Variants in SOX6 observed in about 807,000 individuals in gnomAD.
SOX6 encodes the protein SRY-box transcription factor 6.
In SOX6, 11 loss-of-function variants were observed where a neutral mutation model predicts 97.8. That is an observed-to-expected ratio of 0.11 (90% CI 0.07 to 0.19). The LOEUF is 0.19. Ranked by LOEUF, SOX6 falls within the 10% of genes least tolerant of loss-of-function variation. The pLI is 1.00. For missense variants in SOX6, 810 were observed against 1,039.5 expected, an observed-to-expected ratio of 0.78 and a Z score of 3.04; for synonymous variants, 360 against 371.4, an observed-to-expected ratio of 0.97 and a Z score of 0.35.
chr11:16,310,336 T>C (rs1013793772), intron 3 of SOX6, among the ~76,000 whole-genome samples: 1 of 152,034 alleles, frequency 6.6e-6, no homozygotes, highest in Non-Finnish European at 1.5e-5. Context: ...AATGCAAATA[T>C]ACTTAACACG....
At chr11:16,115,746 G>A (rs953293277) in intron 6 of SOX6, among the ~76,000 whole-genome samples, 3 of 152,166 alleles carry the variant, frequency 2.0e-5, no homozygotes, top group African/African-American at 7.2e-5. Flanking sequence ...GGACTTCAGT[G>A]ATAGAAAAGG....
chr11:16,466,574 C>A (rs921760055), intron 1 of SOX6, among the ~76,000 whole-genome samples: 1 of 151,590 alleles, frequency 6.6e-6, no homozygotes, highest in African/African-American at 2.4e-5. Flanking sequence ...AACTATACAT[C>A]TGATAAAGGT....
At chr11:16,501,629 C>A (rs942663749) in intron 4 of SOX6, among the ~76,000 whole-genome samples, 3 of 151,820 alleles carry the variant, frequency 2.0e-5, no homozygotes, top group African/African-American at 4.9e-5. Flanking sequence ...AAACAAACAA[C>A]CCCATCAAAA....
chr11:16,668,933 C>T (rs906483615), intron 3 of SOX6, among the ~76,000 whole-genome samples: 3 of 152,186 alleles, frequency 2.0e-5, no homozygotes, highest in African/African-American at 4.8e-5. Context: ...GACCCCAATA[C>T]AATATTAGCT....
chr11:16,424,704 C>T (rs984901460), intron 1 of SOX6, among the ~76,000 whole-genome samples: 1 of 152,174 alleles, frequency 6.6e-6, no homozygotes, highest in Non-Finnish European at 1.5e-5. Flanking sequence ...GTGAGATACA[C>T]AAAGTTCCAT....
At chr11:16,401,430 C>T (rs1443775942) in intron 1 of SOX6, among the ~76,000 whole-genome samples, 2 of 151,494 alleles carry the variant, frequency 1.3e-5, no homozygotes, top group African/African-American at 4.8e-5. Context: ...CAGGTGTTAG[C>T]TTTATTCCAT....
intron 3 of SOX6, among the ~76,000 whole-genome samples, chr11:16,655,447 G>A (rs567516429): frequency 6.6e-6 from 1 of 152,158 alleles, no homozygotes; most frequent in Non-Finnish European, 1.5e-5. Context: ...GTGACATAAA[G>A]GGCAAAAGAA....
intron 1 of SOX6, among the ~76,000 whole-genome samples, chr11:16,368,795 C>A (rs1401729142): frequency 6.6e-6 from 1 of 151,864 alleles, no homozygotes; most frequent in African/African-American, 2.4e-5. Flanking sequence ...AAAAGACAAC[C>A]CAGAGAATGG....
At chr11:16,182,107 AC>A (rs1312156461) in intron 6 of SOX6, among the ~76,000 whole-genome samples, 1 of 151,806 alleles carries the variant, frequency 6.6e-6, no homozygotes, top group African/African-American at 2.4e-5. Flanking sequence ...AGTAATACAC[AC>A]TAAAAATATT....
chr11:16,440,982 G>A (rs185441858), intron 1 of SOX6, among the ~76,000 whole-genome samples: 6 of 152,202 alleles, frequency 3.9e-5, no homozygotes, highest in African/African-American at 1.4e-4. Context: ...AAACTACTAA[G>A]GGTATGGTTC....
Position 15,971,885 on chromosome 11 carries a change from T to C in SOX6, c.*924A>G, listed in dbSNP as rs745715037. 3.3e-5 allele frequency: 5 copies of C among 152,552 alleles called. No individual in the cohort carries two copies. Among genetic ancestry groups the C allele is most frequent in the African/African-American group, 4.8e-5 (2 of 41,432 alleles). 9.4% of individuals were successfully genotyped at this position (152,552 alleles called of 1,614,324 possible). ...TGAATAAATTATTTAAGATAAAATG[T>C]GTTAAGACTGAATGTCAGGGTTAAA... On this transcript the variant is annotated 3_prime_UTR_variant, in exon 16 of 16. Transcript: ENST00000683767.
At chr11:16,174,299 G>A (rs1851122734) in intron 6 of SOX6, among the ~76,000 whole-genome samples, 1 of 151,884 alleles carries the variant, frequency 6.6e-6, no homozygotes. Context: ...GACTGAGGAT[G>A]TACTCAACCC....
chr11:16,040,324 G>A (rs1251248909), intron 12 of SOX6, among the ~76,000 whole-genome samples: 12 of 151,916 alleles, frequency 7.9e-5, no homozygotes, highest in Admixed American at 7.9e-4. Context: ...TTTTTTATGA[G>A]TTTGGCCTTT....
At chr11:16,171,503 T>G (rs1187795474) in intron 6 of SOX6, among the ~76,000 whole-genome samples, 4 of 152,070 alleles carry the variant, frequency 2.6e-5, no homozygotes, top group South Asian at 2.1e-4. Context: ...TACATTCATA[T>G]TTTTGTATCC....
At chr11:16,394,307 A>T (rs976395714) in intron 1 of SOX6, among the ~76,000 whole-genome samples, 2 of 152,012 alleles carry the variant, frequency 1.3e-5, no homozygotes, top group Non-Finnish European at 1.5e-5. Context: ...TAATAAAAAC[A>T]TAAGGTGCAA....
chr11:16,155,224 G>T (rs1403264823), intron 6 of SOX6, among the ~76,000 whole-genome samples: 2 of 152,104 alleles, frequency 1.3e-5, no homozygotes, highest in African/African-American at 4.8e-5. Context: ...CTCATAGAAA[G>T]AGAGGCAGCA....
At chr11:16,414,358 T>C (rs1160158007) in intron 1 of SOX6, among the ~76,000 whole-genome samples, 5 of 152,064 alleles carry the variant, frequency 3.3e-5, no homozygotes. Flanking sequence ...AACATGAAAA[T>C]AGTAAAAGCT....
At chr11:16,668,112 G>T (rs556744122) in intron 3 of SOX6, among the ~76,000 whole-genome samples, 1 of 152,178 alleles carries the variant, frequency 6.6e-6, no homozygotes, top group Non-Finnish European at 1.5e-5. Flanking sequence ...GGTGGCTCAC[G>T]TCTGTAATCC....
At chr11:16,679,533 A>C (rs1346986714) in intron 3 of SOX6, among the ~76,000 whole-genome samples, 1 of 152,220 alleles carries the variant, frequency 6.6e-6, no homozygotes, top group Non-Finnish European at 1.5e-5. Flanking sequence ...AAAGCTGAAA[A>C]TTCCAAAACC....
Sources: gnomAD v4.1 joint callset for allele counts (sites outside exome capture counted in the v4.1 genomes callset) on GRCh38, gnomAD v4.1.1 for gene constraint, MANE v1.5 for transcripts, NCBI Gene and HGNC (gene_info 2026-07-23, HGNC 2026-07-21) for gene names.